Variants in PDGFC observed in about 807,000 individuals in gnomAD.
PDGFC encodes the protein platelet-derived growth factor C.
PDGFC carries 12 observed loss-of-function variants against 35.5 expected under a neutral mutation model. The ratio of observed to expected loss-of-function variants is 0.34; its 90% CI spans 0.22 to 0.55. The LOEUF (loss-of-function observed/expected upper bound fraction) is 0.55, where lower values mean the gene tolerates loss of function less well. PDGFC is among the 20% of genes least tolerant of loss of function. The pLI is 0.91. For synonymous variants in PDGFC, 159 were observed against 148.8 expected (o/e 1.07, Z -0.50); for missense variants, 322 against 412.4 (o/e 0.78, Z 1.90).
In PDGFC at chr4:156,762,299, C is replaced by A. The variant is rs1340157814; in HGVS notation, c.*791G>T. 1.3e-5 allele frequency: 2 copies of A among 152,462 alleles called. No individual in the cohort carries two copies. The highest frequency in any genetic ancestry group is 2.9e-5 in the Non-Finnish European group (2 of 67,988). 9.4% of individuals were successfully genotyped at this position (152,462 alleles called of 1,614,324 possible). A position where few individuals can be genotyped will look rare whatever the true frequency, so the allele number is the denominator to read the frequency against. On this transcript the variant is annotated 3_prime_UTR_variant, in exon 6 of 6. Coordinates refer to ENST00000502773, the MANE Select transcript of PDGFC (RefSeq NM_016205.3). ...TGTCATAAAAAAGAATATTAAATAC[C>A]TTTGGTAAAAATAGATATATTTAAC...
intron 1 of PDGFC, among the ~76,000 whole-genome samples, chr4:156,932,566 A>G (rs1385057057): frequency 1.3e-5 from 2 of 152,062 alleles, no homozygotes; most frequent in Admixed American, 1.3e-4. Flanking sequence ...CTATGCAGCC[A>G]TAAAAAATGA....
At chr4:156,842,660 C>G (rs1006589386) in intron 2 of PDGFC, among the ~76,000 whole-genome samples, 1 of 152,120 alleles carries the variant, frequency 6.6e-6, no homozygotes, top group Admixed American at 6.6e-5. Flanking sequence ...ACAATTTGAT[C>G]CTCTCTACCA....
intron 3 of PDGFC, among the ~76,000 whole-genome samples, chr4:156,794,603 CT>C (rs1731388795): frequency 6.6e-6 from 1 of 151,688 alleles, no homozygotes. Flanking sequence ...TTTACAAGAC[CT>C]TTTGCTTTTT....
At chr4:156,943,426 A>C (rs1435546602) in intron 1 of PDGFC, among the ~76,000 whole-genome samples, 1 of 152,126 alleles carries the variant, frequency 6.6e-6, no homozygotes, top group East Asian at 1.9e-4. Context: ...TTAGAAATGC[A>C]GAATCTCAGG....
chr4:156,876,711 CA>C (rs1292700868), intron 1 of PDGFC: 1 of 152,134 alleles, frequency 6.6e-6, no homozygotes, highest in African/African-American at 2.4e-5. Context: ...GTCTCTTCTT[CA>C]TAATATAGAG....
intron 1 of PDGFC, among the ~76,000 whole-genome samples, chr4:156,877,365 T>C (rs569836058): frequency 2.6e-5 from 4 of 152,290 alleles, no homozygotes; most frequent in Admixed American, 1.3e-4. Context: ...AACATTGCTC[T>C]TCTTTAATCT....
At chr4:156,788,318 A>G (rs1435791557) in intron 3 of PDGFC, among the ~76,000 whole-genome samples, 1 of 152,240 alleles carries the variant, frequency 6.6e-6, no homozygotes, top group Non-Finnish European at 1.5e-5. Flanking sequence ...CCGAAAAGCT[A>G]CCAAGATCAA....
intron 2 of PDGFC, among the ~76,000 whole-genome samples, chr4:156,838,032 T>C (rs867070963): frequency 2.0e-5 from 3 of 152,106 alleles, no homozygotes; most frequent in Non-Finnish European, 4.4e-5. Context: ...AACAAAGCTA[T>C]AAATTATGCC....
intron 1 of PDGFC, among the ~76,000 whole-genome samples, chr4:156,957,168 A>T: frequency 6.6e-6 from 1 of 152,032 alleles, no homozygotes; most frequent in East Asian, 1.9e-4. Context: ...CGGTAGGAGA[A>T]CTTTCTAAAA....
At chr4:156,770,406 G>A (rs557519841) in intron 4 of PDGFC, 7 of 152,056 alleles carry the variant, frequency 4.6e-5, no homozygotes, top group African/African-American at 1.4e-4. Context: ...TACTGCTAAG[G>A]CTTCAAACGC....
intron 1 of PDGFC, among the ~76,000 whole-genome samples, chr4:156,925,509 TAAG>T (rs1731387059): frequency 6.6e-6 from 1 of 152,104 alleles, no homozygotes. Flanking sequence ...CGGGTACCTT[TAAG>T]AAGGCAGAAG....
intron 1 of PDGFC, among the ~76,000 whole-genome samples, chr4:156,904,043 T>G (rs567504943): frequency 6.6e-6 from 1 of 152,244 alleles, no homozygotes; most frequent in South Asian, 2.1e-4. Context: ...AATACAATAA[T>G]TGATTTTGTA....
chr4:156,957,196 T>C (rs1054827213), intron 1 of PDGFC, among the ~76,000 whole-genome samples: 1 of 152,036 alleles, frequency 6.6e-6, no homozygotes, highest in African/African-American at 2.4e-5. Context: ...GCTTATCTCT[T>C]GCTACACATT....
chr4:156,880,973 G>GTT (rs1169265374), intron 1 of PDGFC, among the ~76,000 whole-genome samples: 2 of 152,128 alleles, frequency 1.3e-5, no homozygotes, highest in Admixed American at 1.3e-4. Context: ...CATAAAGTTA[G>GTT]TTGATAAAGC....
intron 1 of PDGFC, among the ~76,000 whole-genome samples, chr4:156,913,804 G>A (rs1209137996): frequency 6.6e-6 from 1 of 152,116 alleles, no homozygotes; most frequent in Non-Finnish European, 1.5e-5. Context: ...CCTCTCTAAT[G>A]GCCCCAGGCC....
chr4:156,827,192 C>A (rs950222788), intron 2 of PDGFC, among the ~76,000 whole-genome samples: 1 of 151,988 alleles, frequency 6.6e-6, no homozygotes, highest in Non-Finnish European at 1.5e-5. Flanking sequence ...CCAAGGTGGG[C>A]GGAACACGAG....
intron 2 of PDGFC, among the ~76,000 whole-genome samples, chr4:156,846,384 A>G (rs1185325729): frequency 6.6e-6 from 1 of 151,792 alleles, no homozygotes; most frequent in Non-Finnish European, 1.5e-5. Context: ...AAATATGCAG[A>G]TAAATTAATA....
At chr4:156,824,307 TATATATATATATATATATATACACACAC>T (rs1437026536) in intron 2 of PDGFC, among the ~76,000 whole-genome samples, 18 of 47,032 alleles carry the variant, frequency 3.8e-4, no homozygotes, top group African/African-American at 1.1e-3. Context: ...TATATATATA[TATATATATATATATATATATACACACAC>T]ACACACACAC....
intron 2 of PDGFC, among the ~76,000 whole-genome samples, chr4:156,824,285 CATATATATATATAT>C (rs58698115): frequency 1.8e-4 from 17 of 92,868 alleles, no homozygotes; most frequent in East Asian, 1.4e-3. Flanking sequence ...ACAATGTAAG[CATATATATATATAT>C]ATATATATAT....
Sources: gnomAD v4.1 joint callset for allele counts (sites outside exome capture counted in the v4.1 genomes callset) on GRCh38, gnomAD v4.1.1 for gene constraint, MANE v1.5 for transcripts, NCBI Gene and HGNC (gene_info 2026-07-23, HGNC 2026-07-21) for gene names.